The following TNFRSF11B variants were observed in gnomAD, a reference collection of about 807,000 sequenced individuals.
TNFRSF11B encodes the protein TNF receptor superfamily member 11b.
TNFRSF11B carries 16 observed loss-of-function variants against 43.4 expected under a neutral mutation model. The observed-to-expected ratio is 0.37, with a 90% CI of 0.25 to 0.56. TNFRSF11B has a LOEUF of 0.56. Ranked by LOEUF, TNFRSF11B falls within the 20% of genes least tolerant of loss-of-function variation. The pLI is 0.80. For synonymous variants in TNFRSF11B, 185 were observed against 181.8 expected (o/e 1.02, Z -0.14); for missense variants, 444 against 490.1 (o/e 0.91, Z 0.89).
intron 1 of TNFRSF11B, among the ~76,000 whole-genome samples, chr8:118,935,987 T>C (rs1812401465): frequency 1.3e-5 from 2 of 152,080 alleles, no homozygotes; most frequent in African/African-American, 2.4e-5. Flanking sequence ...ATGATGAGAA[T>C]AGGATGGGAA....
chr8:118,950,177 ATGTT>A (rs11573815), intron 1 of TNFRSF11B, among the ~76,000 whole-genome samples: 2,209 of 152,322 alleles, frequency 0.015, 42 homozygotes, highest in African/African-American at 0.051. Context: ...CATTGCTAGT[ATGTT>A]TGTTATTAAT....
intron 1 of TNFRSF11B, among the ~76,000 whole-genome samples, chr8:118,944,668 G>T (rs1333425355): frequency 6.6e-6 from 1 of 152,022 alleles, no homozygotes; most frequent in African/African-American, 2.4e-5. Context: ...AACAGAGCGT[G>T]GGTGCAGAGG....
chr8:118,934,255 A>G (rs756469979), intron 1 of TNFRSF11B, among the ~76,000 whole-genome samples: 23 of 152,212 alleles, frequency 1.5e-4, no homozygotes, highest in Non-Finnish European at 2.6e-4. Flanking sequence ...AAGCACCAGG[A>G]ATATGCTGGT....
intron 1 of TNFRSF11B, among the ~76,000 whole-genome samples, chr8:118,934,968 A>G (rs1812381900): frequency 6.6e-6 from 1 of 152,224 alleles, no homozygotes; most frequent in Admixed American, 6.5e-5. Context: ...GTTTGGGCTG[A>G]TTTGACCTAA....
intron 1 of TNFRSF11B, among the ~76,000 whole-genome samples, chr8:118,939,334 G>A (rs1812445383): frequency 6.6e-6 from 1 of 152,100 alleles, no homozygotes; most frequent in Non-Finnish European, 1.5e-5. Context: ...ATGACTAAGT[G>A]GAGTTGAATA....
Position 118,923,658 on chromosome 8 carries a change from C to G in TNFRSF11B, c.*716G>C, listed in dbSNP as rs1200293363. On this transcript the variant is annotated 3_prime_UTR_variant, in exon 5 of 5. Coordinates refer to ENST00000297350, the MANE Select transcript of TNFRSF11B (RefSeq NM_002546.4). ...TCAATTTCTCAGAGCATCTAATATT[C>G]AGATAATTTATATTTCATATGTTTT... 3 of 152,624 alleles carry G rather than the reference C, an allele frequency of 2.0e-5. No homozygotes were observed. Among genetic ancestry groups the G allele is most frequent in the Admixed American group, 2.0e-4 (3 of 15,292 alleles). The allele number at this position is 152,624 out of a possible 1,614,324, so 9.5% of individuals were successfully genotyped here.
intron 1 of TNFRSF11B, among the ~76,000 whole-genome samples, chr8:118,938,574 C>G (rs144657916): frequency 2.1e-4 from 32 of 152,298 alleles, no homozygotes; most frequent in African/African-American, 7.5e-4. Flanking sequence ...TCCCTTCACG[C>G]ATTGTCCAAA....
Position 118,924,142 on chromosome 8 carries a change from A to C in TNFRSF11B, c.*232T>G, listed in dbSNP as rs989959424. On this transcript the variant is annotated 3_prime_UTR_variant, in exon 5 of 5. Coordinates refer to ENST00000297350, the MANE Select transcript of TNFRSF11B (RefSeq NM_002546.4). Reference sequence around the variant, plus strand: ...ATTACTGCAAGCAGTAATAAGGGAAAATATAGTCAGTAGATAACGATCCAG... The same window carrying C: ...ATTACTGCAAGCAGTAATAAGGGAACATATAGTCAGTAGATAACGATCCAG... The C allele has an allele frequency of 2.2e-6, 1 of 461,580 alleles. No individual in the cohort carries two copies. The highest frequency in any genetic ancestry group is 3.1e-5 in the South Asian group (1 of 31,874). 28.6% of individuals were successfully genotyped at this position (461,580 alleles called of 1,614,324 possible).
At chr8:118,936,592 AC>A (rs1306544497) in intron 1 of TNFRSF11B, among the ~76,000 whole-genome samples, 1 of 152,180 alleles carries the variant, frequency 6.6e-6, no homozygotes, top group East Asian at 1.9e-4. Context: ...AACATTGGAT[AC>A]AGCTCCTTTG....
At chr8:118,933,408 T>C in intron 1 of TNFRSF11B, 108 bp from the exon 2 acceptor site, 1 of 1,536,236 alleles carries the variant, frequency 6.5e-7, no homozygotes, top group Non-Finnish European at 8.9e-7. Context: ...TTAAGCCTAA[T>C]GAGATTTGCC....
Position 118,934,664 on chromosome 8 carries a change from CTG to C in TNFRSF11B, c.31-1366_31-1365del, listed in dbSNP as rs753372354. ...ACAGGAATCACACGCTCAGAAGAAA[CTG>C]TGTTTTTTGTGTGTAGGGGGTGGTT... is the stretch of plus-strand genomic sequence containing the variant. On this transcript the variant is annotated intron_variant, in intron 1 of 4. Coordinates refer to ENST00000297350, the MANE Select transcript of TNFRSF11B (RefSeq NM_002546.4). Among the ~76,000 whole-genome samples the C allele has an allele frequency of 5.1e-4, 77 of 152,262 alleles. 1 individual carries two copies. Among genetic ancestry groups the C allele is most frequent in the African/African-American group, 1.7e-3 (69 of 41,544 alleles).
intron 1 of TNFRSF11B, among the ~76,000 whole-genome samples, chr8:118,936,269 T>C (rs907198916): frequency 6.6e-6 from 1 of 152,206 alleles, no homozygotes; most frequent in African/African-American, 2.4e-5. Context: ...TCACGTGGAA[T>C]AATCACATAT....
intron 2 of TNFRSF11B, 105 bp from the exon 3 acceptor site, chr8:118,929,034 T>C: frequency 9.7e-7 from 1 of 1,031,866 alleles, no homozygotes; most frequent in Non-Finnish European, 1.5e-6. Context: ...TTTTTACTGC[T>C]ACTATTATGT....
intron 1 of TNFRSF11B, among the ~76,000 whole-genome samples, chr8:118,935,912 C>A (rs967408292): frequency 1.3e-5 from 2 of 152,092 alleles, no homozygotes; most frequent in Non-Finnish European, 2.9e-5. Flanking sequence ...CTCCCTTTCC[C>A]ATTTCAACAT....
At chr8:118,932,024 C>A (rs1175032026) in intron 2 of TNFRSF11B, among the ~76,000 whole-genome samples, 6 of 152,102 alleles carry the variant, frequency 3.9e-5, no homozygotes. Flanking sequence ...AAAAAGGAGT[C>A]CAGCCTAGGA....
In TNFRSF11B at chr8:118,933,053, A is replaced by G. The variant is rs1812351073; in HGVS notation, c.278T>C (p.Val93Ala). 1 of 1,613,976 alleles carries G rather than the reference A, an allele frequency of 6.2e-7. No individual in the cohort carries two copies. Among genetic ancestry groups the G allele is most frequent in the Non-Finnish European group, 8.5e-7 (1 of 1,180,024 alleles). Residue 93 changes from valine to alanine, a missense_variant, in exon 2 of 5, where the codon GTC (valine) becomes GCC (alanine). Physicochemically the swap from Val to Ala is moderately conservative, Grantham distance 64. Coordinates refer to ENST00000297350, the MANE Select transcript of TNFRSF11B (RefSeq NM_002546.4). ...GTGGGTGCGATTGCACTCCTGCTTGACGTACTGCAGCTCCTTGCACACGGG... is the reference window on the plus strand; with the variant it reads ...GTGGGTGCGATTGCACTCCTGCTTGGCGTACTGCAGCTCCTTGCACACGGG... ...CSPVCKELQY[V>A]KQECNRTHNR...
In TNFRSF11B at chr8:118,933,075, C is replaced by A. The variant is rs371566584; in HGVS notation, c.256G>T (p.Val86Leu). ...TSDECLYCSPVCKELQYVKQE... is the reference protein window; with the variant it reads ...TSDECLYCSPLCKELQYVKQE... ...TTGACGTACTGCAGCTCCTTGCACA[C>A]GGGGCTGCAGTATAGACACTCGTCA... Residue 86 changes from valine (V) to leucine (L), a missense_variant, in exon 2 of 5, where the codon GTG (valine) becomes TTG (leucine). Transcript: ENST00000297350. 4.3e-6 allele frequency: 7 copies of A among 1,614,160 alleles called. No individual in the cohort carries two copies. The highest frequency in any genetic ancestry group is 5.9e-6 in the Non-Finnish European group (7 of 1,180,050).
chr8:118,924,971 T>C (rs1362285753), intron 4 of TNFRSF11B, among the ~76,000 whole-genome samples: 1 of 152,216 alleles, frequency 6.6e-6, no homozygotes, highest in Non-Finnish European at 1.5e-5. Context: ...ATATGCTATA[T>C]ATTTTTGGCA....
chr8:118,940,571 A>G (rs1201431985), intron 1 of TNFRSF11B, among the ~76,000 whole-genome samples: 1 of 152,164 alleles, frequency 6.6e-6, no homozygotes, highest in Non-Finnish European at 1.5e-5. Flanking sequence ...GGACACAAAC[A>G]TGGTAAGAAA....
Sources: allele counts gnomAD v4.1 joint callset (sites outside exome capture counted in the v4.1 genomes callset), GRCh38; gene constraint gnomAD v4.1.1; transcripts MANE v1.5; gene names NCBI Gene and HGNC (gene_info 2026-07-23, HGNC 2026-07-21).